Variants in TPTE observed in about 807,000 individuals in gnomAD.
TPTE encodes transmembrane phosphatase with tensin homology, also known as putative tyrosine-protein phosphatase TPTE.
Under a neutral mutation model 84.1 loss-of-function variants are expected in TPTE, and 59 were observed. That is an observed-to-expected ratio of 0.70 (90% confidence interval 0.57 to 0.87). TPTE has a LOEUF of 0.87. Among genes scored for constraint, TPTE ranks in the 40% least tolerant of loss-of-function variants. The pLI is 0.00. For synonymous variants in TPTE, 130 were observed against 223.5 expected (o/e 0.58, Z 3.73); for missense variants, 382 against 659.6 (o/e 0.58, Z 4.61).
At chr21:10,565,293 T>C (rs2074898268) in intron 10 of TPTE, among the ~76,000 whole-genome samples, 1 of 152,308 alleles carries the variant, frequency 6.6e-6, no homozygotes, top group Non-Finnish European at 1.5e-5. Context: ...GAAATTAACC[T>C]AACCAAAGAA....
intron 7 of TPTE, among the ~76,000 whole-genome samples, chr21:10,548,616 T>A (rs1444502661): frequency 6.6e-6 from 1 of 152,306 alleles, no homozygotes; most frequent in Non-Finnish European, 1.5e-5. Context: ...AGCTGAGAAG[T>A]CATTTGACTG....
At chr21:10,532,745 G>A in intron 3 of TPTE, among the ~76,000 whole-genome samples, 1 of 152,416 alleles carries the variant, frequency 6.6e-6, no homozygotes, top group East Asian at 1.9e-4. Context: ...TAACATAAGA[G>A]GCATTCAGTA....
intron 4 of TPTE, 148 bp downstream of exon 4, chr21:10,538,882 T>A: frequency 6.4e-7 from 1 of 1,561,554 alleles, no homozygotes; most frequent in Non-Finnish European, 8.8e-7. Flanking sequence ...CACTAACAAA[T>A]CCATGCATAC....
At chr21:10,597,667 G>A (rs1480447699) in intron 20 of TPTE, among the ~76,000 whole-genome samples, 497 of 151,488 alleles carry the variant, frequency 3.3e-3, no homozygotes, top group African/African-American at 9.5e-3. Flanking sequence ...GACCCACCTC[G>A]CCCTCCCAAA....
chr21:10,563,785 C>T (rs2074856581), intron 10 of TPTE, among the ~76,000 whole-genome samples: 1 of 152,302 alleles, frequency 6.6e-6, no homozygotes, highest in African/African-American at 2.4e-5. Context: ...GGAGTAAGTC[C>T]TTACTTATCA....
chr21:10,570,441 A>C (rs1172485513), intron 13 of TPTE, 44 bp from the exon 14 acceptor site: 1 of 1,613,524 alleles, frequency 6.2e-7, no homozygotes, highest in Admixed American at 1.7e-5. Flanking sequence ...ATGTTGTATG[A>C]AATCTATAAT....
intron 7 of TPTE, among the ~76,000 whole-genome samples, chr21:10,551,851 T>A (rs2074582082): frequency 6.6e-6 from 1 of 152,308 alleles, no homozygotes; most frequent in South Asian, 2.1e-4. Context: ...CTACCAAGAC[T>A]AAACCAAGAA....
intron 10 of TPTE, among the ~76,000 whole-genome samples, chr21:10,564,503 C>G (rs1428059445): frequency 6.6e-6 from 1 of 152,302 alleles, no homozygotes. Flanking sequence ...GAGTGAGATT[C>G]AGTCTCAAAA....
chr21:10,535,488 CCTT>C (rs2074251555), intron 3 of TPTE, among the ~76,000 whole-genome samples: 2 of 152,408 alleles, frequency 1.3e-5, no homozygotes, highest in East Asian at 1.9e-4. Flanking sequence ...CTATAGATAA[CCTT>C]CTATTTTTTT....
intron 4 of TPTE, among the ~76,000 whole-genome samples, chr21:10,539,972 G>C (rs1271599973): frequency 6.6e-6 from 1 of 152,306 alleles, no homozygotes; most frequent in East Asian, 1.9e-4. Context: ...TCATGCCACT[G>C]CACTCCAGCT....
chr21:10,557,495 A>G (rs1420262141), intron 8 of TPTE, among the ~76,000 whole-genome samples: 14 of 152,306 alleles, frequency 9.2e-5, no homozygotes, highest in Non-Finnish European at 2.1e-4. Context: ...GTTCAGATTT[A>G]TGACATTTCC....
chr21:10,554,616 T>A (rs145131105), intron 8 of TPTE, among the ~76,000 whole-genome samples: 2,327 of 151,380 alleles, frequency 0.015, no homozygotes, highest in East Asian at 0.15. Context: ...CCAGGTTGTC[T>A]TGCTTTTCAC....
intron 8 of TPTE, among the ~76,000 whole-genome samples, chr21:10,558,439 G>A (rs1400492160): frequency 2.6e-5 from 4 of 152,426 alleles, no homozygotes; most frequent in South Asian, 2.1e-4. Flanking sequence ...TTTAGTAATA[G>A]CCATTCTGAC....
intron 19 of TPTE, among the ~76,000 whole-genome samples, chr21:10,595,552 C>T (rs550698506): frequency 6.6e-6 from 1 of 152,430 alleles, no homozygotes; most frequent in African/African-American, 2.4e-5. Flanking sequence ...GGGAAACCTG[C>T]TACTGAGGTT....
intron 19 of TPTE, among the ~76,000 whole-genome samples, chr21:10,594,491 A>C (rs941109971): frequency 6.6e-6 from 1 of 152,304 alleles, no homozygotes; most frequent in African/African-American, 2.4e-5. Context: ...TGGTTGTATT[A>C]ATTTCTACTA....
intron 4 of TPTE, among the ~76,000 whole-genome samples, chr21:10,540,059 G>A (rs1249456637): frequency 3.3e-5 from 5 of 152,306 alleles, no homozygotes; most frequent in Admixed American, 6.5e-5. Context: ...CAAAACAAAA[G>A]CAATTGGAAT....
intron 3 of TPTE, among the ~76,000 whole-genome samples, chr21:10,536,286 T>A (rs1408605402): frequency 1.3e-5 from 2 of 152,308 alleles, no homozygotes; most frequent in African/African-American, 4.8e-5. Flanking sequence ...AAAAAAAGGA[T>A]ACACCTAGTT....
intron 17 of TPTE, among the ~76,000 whole-genome samples, chr21:10,580,038 T>TA (rs1229125976): frequency 2.6e-5 from 4 of 152,304 alleles, no homozygotes; most frequent in Non-Finnish European, 5.9e-5. Context: ...GTCTTTTTGT[T>TA]AATGACCATC....
chr21:10,526,389 G>A (rs1051363563), intron 2 of TPTE, among the ~76,000 whole-genome samples: 2 of 152,308 alleles, frequency 1.3e-5, no homozygotes, highest in African/African-American at 4.8e-5. Context: ...AGTTTGTGTA[G>A]GGGAACTTTT....
Sources: allele counts gnomAD v4.1 joint callset (sites outside exome capture counted in the v4.1 genomes callset), GRCh38; gene constraint gnomAD v4.1.1; transcripts MANE v1.5; gene names NCBI Gene and HGNC (gene_info 2026-07-23, HGNC 2026-07-21).